Variants in SGK3 observed in about 807,000 individuals in gnomAD.
SGK3 encodes serum/glucocorticoid regulated kinase family member 3.
SGK3 carries 47 observed loss-of-function variants against 68.5 expected under a neutral mutation model. The ratio of observed to expected loss-of-function variants is 0.69; its 90% CI spans 0.54 to 0.87. SGK3 has a LOEUF of 0.87. Among genes scored for constraint, SGK3 ranks in the 40% least tolerant of loss-of-function variants. The pLI, the probability that SGK3 is intolerant of heterozygous loss-of-function variation, is 0.00. For synonymous variants in SGK3, 181 were observed against 189.1 expected (o/e 0.96, Z 0.35); for missense variants, 479 against 575.5 (o/e 0.83, Z 1.72).
At chr8:66,761,745 G>C (rs1397295514) in intron 1 of SGK3, among the ~76,000 whole-genome samples, 2 of 151,770 alleles carry the variant, frequency 1.3e-5, no homozygotes, top group Non-Finnish European at 2.9e-5. Context: ...CTTCAGCCTG[G>C]GTAACAGAGT....
At chr8:66,715,888 A>G (rs1196518507) in intron 1 of SGK3, among the ~76,000 whole-genome samples, 6 of 152,218 alleles carry the variant, frequency 3.9e-5, no homozygotes, top group African/African-American at 9.7e-5. Flanking sequence ...TTAGGCAGTA[A>G]GAAACCCTTA....
chr8:66,791,548 C>A (rs1807453912), intron 1 of SGK3, among the ~76,000 whole-genome samples: 1 of 152,228 alleles, frequency 6.6e-6, no homozygotes, highest in Non-Finnish European at 1.5e-5. Flanking sequence ...CTCTTTCCTT[C>A]TCCTTTATTC....
chr8:66,844,008 A>C (rs7009070), intron 14 of SGK3, among the ~76,000 whole-genome samples: 3,799 of 150,630 alleles, frequency 0.025, 159 homozygotes, highest in African/African-American at 0.063. Flanking sequence ...AAAAAAAAAA[A>C]AAAAAAAAAA....
At position 66,838,439 on chromosome 8, in the gene SGK3, A is replaced by T. The variant is rs186049310; in HGVS notation, c.742-1564A>T. On this transcript the variant is annotated intron_variant, in intron 10 of 16. Coordinates refer to ENST00000521198, the MANE Select transcript of SGK3 (RefSeq NM_001033578.3). ...AACTGTCTCAATGTTACGGTGTTCT[A>T]GTAAGTGTCAGACCCTGCATTTAAC... 2.9e-3 allele frequency among the ~76,000 whole-genome samples: 448 copies of T among 152,292 alleles called. 5 individuals carry two copies. The highest frequency in any genetic ancestry group is 0.01 in the African/African-American group (435 of 41,564).
chr8:66,726,800 G>A (rs1804996120), intron 1 of SGK3, among the ~76,000 whole-genome samples: 1 of 84,008 alleles, frequency 1.2e-5, no homozygotes, highest in Non-Finnish European at 2.0e-5. Flanking sequence ...GACCCTGTCT[G>A]TAAAAAAAAA....
chr8:66,792,069 C>T (rs1432613425), intron 1 of SGK3, among the ~76,000 whole-genome samples: 1 of 152,190 alleles, frequency 6.6e-6, no homozygotes, highest in Admixed American at 6.5e-5. Context: ...GTGGTTCACG[C>T]CTGTAATCCC....
chr8:66,751,645 C>T lies in SGK3; in HGVS notation c.-122+38812C>T, dbSNP rs114484136. Among the ~76,000 whole-genome samples, 896 of 152,168 alleles carry T rather than the reference C, an allele frequency of 5.9e-3. 11 individuals are homozygous for T. The highest frequency in any genetic ancestry group is 0.02 in the African/African-American group (830 of 41,534). On this transcript the variant is annotated intron_variant, in intron 1 of 16. Coordinates refer to ENST00000521198, the MANE Select transcript of SGK3 (RefSeq NM_001033578.3). ...TACATGGATTTCTTGAATCTATCTACACTTAATAAATGTGGATATTGTAAT... is the reference window on the plus strand; with the variant it reads ...TACATGGATTTCTTGAATCTATCTATACTTAATAAATGTGGATATTGTAAT...
intron 1 of SGK3, among the ~76,000 whole-genome samples, chr8:66,743,984 A>T (rs1805555952): frequency 6.6e-6 from 1 of 152,122 alleles, no homozygotes; most frequent in Admixed American, 6.5e-5. Context: ...GCTGCTGCAC[A>T]GTTGTCATCC....
chr8:66,734,919 T>A (rs1237717306), intron 1 of SGK3, among the ~76,000 whole-genome samples: 1 of 143,726 alleles, frequency 7.0e-6, no homozygotes, highest in Non-Finnish European at 1.5e-5. Context: ...CACTCCAGCC[T>A]GGGCAGCAGA....
chr8:66,757,315 G>T lies in SGK3; in HGVS notation c.-121-36301G>T, dbSNP rs1025009522. Among the ~76,000 whole-genome samples the T allele has an allele frequency of 2.6e-5, 4 of 151,112 alleles. No individual in the cohort carries two copies. In the East Asian group the frequency reaches 7.8e-4, roughly 30 times the overall value. ...CCTAGCTAATTTTTGTATTTTTTTT[G>T]TAGAGACTCAAAAAGTTCTCACCAT... On this transcript the variant is annotated intron_variant, in intron 1 of 16. Transcript: ENST00000521198.
At chr8:66,714,948 A>G (rs938641762) in intron 1 of SGK3, among the ~76,000 whole-genome samples, 1 of 152,222 alleles carries the variant, frequency 6.6e-6, no homozygotes, top group African/African-American at 2.4e-5. Context: ...GAATGACTCC[A>G]AATGGCTTCA....
At chr8:66,760,098 C>A (rs974048906) in intron 1 of SGK3, among the ~76,000 whole-genome samples, 5 of 152,048 alleles carry the variant, frequency 3.3e-5, no homozygotes, top group Admixed American at 2.0e-4. Context: ...GCAGACCTTC[C>A]AAATATTCAC....
Position 66,760,337 on chromosome 8 carries a change from T to C in SGK3, c.-121-33279T>C, listed in dbSNP as rs986909450. 9.2e-5 allele frequency among the ~76,000 whole-genome samples: 12 copies of C among 130,228 alleles called. No individual in the cohort carries two copies. The South Asian group carries it at 9.9e-4, about 11-fold the overall frequency. 85.4% of individuals were successfully genotyped at this position (130,228 alleles called of 152,430 possible). A position where few individuals can be genotyped will look rare whatever the true frequency, so the allele number is the denominator to read the frequency against. Reference sequence around the variant, plus strand: ...TTGTTCATTTTCTTTTTTCTTTTTTTTTTTTTTTTTTTTTTGAGACGGAGT... The same window carrying C: ...TTGTTCATTTTCTTTTTTCTTTTTTCTTTTTTTTTTTTTTTGAGACGGAGT... On this transcript the variant is annotated intron_variant, in intron 1 of 16. Transcript: ENST00000521198.
At chr8:66,842,658 C>T (rs929762520) in intron 13 of SGK3, among the ~76,000 whole-genome samples, 2 of 152,130 alleles carry the variant, frequency 1.3e-5, no homozygotes, top group Non-Finnish European at 2.9e-5. Flanking sequence ...AAATAGACAT[C>T]TACAACTTAT....
chr8:66,769,213 G>A (rs540712469), intron 1 of SGK3, among the ~76,000 whole-genome samples: 11 of 152,068 alleles, frequency 7.2e-5, no homozygotes, highest in African/African-American at 2.4e-4. Context: ...ACAGCTCATC[G>A]ATTCTCTTTA....
intron 1 of SGK3, among the ~76,000 whole-genome samples, chr8:66,745,081 T>C (rs1805614985): frequency 6.6e-6 from 1 of 152,174 alleles, no homozygotes; most frequent in African/African-American, 2.4e-5. Context: ...TCTATCTCTA[T>C]GAAAATTGGT....
Position 66,804,363 on chromosome 8 carries a change from T to A in SGK3, c.181-12T>A. ...AAATTAGTTCATATAATGTTATTTT[T>A]AAAAATTTTAGTTAAAAAAACAGTT... On this transcript the variant is annotated splice_polypyrimidine_tract_variant and intron_variant, in intron 3 of 16. Coordinates refer to ENST00000521198, the MANE Select transcript of SGK3 (RefSeq NM_001033578.3). The A allele has an allele frequency of 1.9e-6, 3 of 1,601,860 alleles. No individual in the cohort carries two copies. The highest frequency in any genetic ancestry group is 1.7e-6 in the Non-Finnish European group (2 of 1,175,884).
intron 8 of SGK3, among the ~76,000 whole-genome samples, chr8:66,834,784 A>G (rs1207694254): frequency 6.6e-6 from 1 of 151,870 alleles, no homozygotes; most frequent in African/African-American, 2.4e-5. Flanking sequence ...ATACAAAAAA[A>G]AATAAATTAG....
intron 14 of SGK3, among the ~76,000 whole-genome samples, chr8:66,845,361 T>C (rs1201069690): frequency 6.6e-6 from 1 of 151,784 alleles, no homozygotes; most frequent in Non-Finnish European, 1.5e-5. Context: ...ATCATGCCAC[T>C]GCACTCCAGC....
Sources: gnomAD v4.1 joint callset for allele counts (sites outside exome capture counted in the v4.1 genomes callset) on GRCh38, gnomAD v4.1.1 for gene constraint, MANE v1.5 for transcripts, NCBI Gene and HGNC (gene_info 2026-07-23, HGNC 2026-07-21) for gene names.